The following KCNT2 variants were observed in gnomAD, a reference collection of about 807,000 sequenced individuals.
KCNT2 encodes the protein potassium channel subfamily T member 2.
Under a neutral mutation model 153.8 loss-of-function variants are expected in KCNT2, and 67 were observed. The observed-to-expected ratio is 0.44, with a 90% CI of 0.36 to 0.53. The LOEUF is 0.53. Ranked by LOEUF, KCNT2 falls within the 20% of genes least tolerant of loss-of-function variation. The pLI, the probability that KCNT2 is intolerant of heterozygous loss-of-function variation, is 0.00. For missense variants in KCNT2, 975 were observed against 1,354.8 expected, an observed-to-expected ratio of 0.72 and a Z score of 4.40; for synonymous variants, 500 against 458.8, an observed-to-expected ratio of 1.09 and a Z score of -1.15.
intron 1 of KCNT2, among the ~76,000 whole-genome samples, chr1:196,512,961 T>C (rs1247231052): frequency 2.0e-5 from 3 of 151,980 alleles, no homozygotes; most frequent in African/African-American, 7.3e-5. Context: ...CAGAAGGAAG[T>C]ATTGGAAAGG....
At chr1:196,500,406 C>T (rs557237956) in intron 1 of KCNT2, among the ~76,000 whole-genome samples, 4 of 152,184 alleles carry the variant, frequency 2.6e-5, no homozygotes, top group African/African-American at 9.6e-5. Flanking sequence ...AGAGTTGGAA[C>T]ATTGGTCTTT....
chr1:196,568,149 G>T (rs989907338), intron 1 of KCNT2, among the ~76,000 whole-genome samples: 6 of 152,086 alleles, frequency 3.9e-5, no homozygotes, highest in Admixed American at 2.0e-4. Flanking sequence ...TGGCACCAGA[G>T]ACTAGTTTCA....
At chr1:196,582,605 T>C (rs1460760156) in intron 1 of KCNT2, 2 of 154,222 alleles carry the variant, frequency 1.3e-5, no homozygotes, top group African/African-American at 4.8e-5. Context: ...AAGTTCCCAA[T>C]TTCTTCAGTC....
At chr1:196,286,107 C>A (rs1019606707) in intron 22 of KCNT2, among the ~76,000 whole-genome samples, 1 of 151,782 alleles carries the variant, frequency 6.6e-6, no homozygotes, top group African/African-American at 2.4e-5. Context: ...ACACTGAACA[C>A]TGTAAAGAAG....
chr1:196,246,301 G>A (rs1655441122), intron 26 of KCNT2, among the ~76,000 whole-genome samples: 1 of 152,044 alleles, frequency 6.6e-6, no homozygotes, highest in Non-Finnish European at 1.5e-5. Context: ...ACAAAAAAGG[G>A]AAATAAGGAC....
At position 196,606,748 on chromosome 1, in the gene KCNT2, C is replaced by A. The variant is rs182775204; in HGVS notation, c.95+1467G>T. Among the ~76,000 whole-genome samples the A allele has an allele frequency of 2.1e-3, 313 of 152,258 alleles. 4 individuals are homozygous for A. Among genetic ancestry groups the A allele is most frequent in the African/African-American group, 7.0e-3 (291 of 41,560 alleles). On this transcript the variant is annotated intron_variant, in intron 1 of 27. Coordinates refer to ENST00000294725, the MANE Select transcript of KCNT2 (RefSeq NM_198503.5). ...CTCACACTTTCTACAAAGAGGATTT[C>A]TATTCTATATAATGATCCTGAGGTC...
rs185086982 is a variant in KCNT2, at chr1:196,336,528, G to T, written c.1784-2468C>A. 3.3e-3 allele frequency among the ~76,000 whole-genome samples: 506 copies of T among 152,116 alleles called. 7 individuals are homozygous for T. Among genetic ancestry groups the T allele is most frequent in the Middle Eastern group, 0.02 (6 of 294 alleles). On this transcript the variant is annotated intron_variant, in intron 16 of 27. Transcript: ENST00000294725. The stretch of plus-strand genomic sequence containing the variant: ...ATCTCTCTGCCTTCCTTACTTGCTT[G>T]TACTTTCAACACAAGCTACAAATCC...
intron 16 of KCNT2, among the ~76,000 whole-genome samples, chr1:196,335,836 T>C (rs935035574): frequency 6.6e-6 from 1 of 152,160 alleles, no homozygotes; most frequent in African/African-American, 2.4e-5. Flanking sequence ...TTCCTAACAC[T>C]AGCTATGATT....
chr1:196,303,727 G>A (rs567355393), intron 22 of KCNT2, among the ~76,000 whole-genome samples: 1 of 152,098 alleles, frequency 6.6e-6, no homozygotes, highest in East Asian at 1.9e-4. Flanking sequence ...AGAATCCCAA[G>A]GCTACGAAAT....
At chr1:196,340,219 T>C in intron 16 of KCNT2, 122 bp downstream of exon 16, 1 of 647,126 alleles carries the variant, frequency 1.5e-6, no homozygotes, top group East Asian at 2.8e-5. Flanking sequence ...ACCTAGTTTG[T>C]AAAATGCAGC....
intron 14 of KCNT2, among the ~76,000 whole-genome samples, chr1:196,348,669 A>C (rs1666346190): frequency 6.6e-6 from 1 of 152,134 alleles, no homozygotes; most frequent in Non-Finnish European, 1.5e-5. Context: ...CAGAATATGG[A>C]GATGAAACAT....
chr1:196,290,698 C>G (rs1482568775), intron 22 of KCNT2, among the ~76,000 whole-genome samples: 1 of 151,922 alleles, frequency 6.6e-6, no homozygotes, highest in Admixed American at 6.6e-5. Flanking sequence ...ATTTATCTCA[C>G]TAAGGTCAGT....
chr1:196,553,802 A>C (rs1658269786), intron 1 of KCNT2, among the ~76,000 whole-genome samples: 1 of 151,322 alleles, frequency 6.6e-6, no homozygotes, highest in Non-Finnish European at 1.5e-5. Flanking sequence ...CAAGGGAATA[A>C]AACTATAAAT....
chr1:196,475,473 A>G (rs1487832528), intron 5 of KCNT2, among the ~76,000 whole-genome samples: 1 of 152,012 alleles, frequency 6.6e-6, no homozygotes, highest in Non-Finnish European at 1.5e-5. Flanking sequence ...TACAAATATT[A>G]GCCGGGTGTG....
chr1:196,601,802 CTAAA>C (rs1265929921), intron 1 of KCNT2, among the ~76,000 whole-genome samples: 1 of 151,996 alleles, frequency 6.6e-6, no homozygotes, highest in East Asian at 1.9e-4. Flanking sequence ...ATTTTTATTC[CTAAA>C]TATTTTATCT....
At chr1:196,505,278 G>T (rs866410090) in intron 1 of KCNT2, among the ~76,000 whole-genome samples, 1 of 152,146 alleles carries the variant, frequency 6.6e-6, no homozygotes, top group Non-Finnish European at 1.5e-5. Flanking sequence ...GTAAGGAAGG[G>T]ATCCAGTTTC....
intron 12 of KCNT2, among the ~76,000 whole-genome samples, chr1:196,406,678 G>A (rs200688952): frequency 6.6e-6 from 1 of 150,966 alleles, no homozygotes; most frequent in Admixed American, 6.6e-5. Context: ...ATATAATTTT[G>A]TCCTCCTGCC....
At chr1:196,586,337 G>A (rs1449602857) in intron 1 of KCNT2, among the ~76,000 whole-genome samples, 1 of 152,010 alleles carries the variant, frequency 6.6e-6, no homozygotes, top group Non-Finnish European at 1.5e-5. Context: ...TTTTCTTGCT[G>A]CTAAATTCCC....
chr1:196,366,544 T>C (rs940409408), intron 14 of KCNT2, among the ~76,000 whole-genome samples: 1 of 152,188 alleles, frequency 6.6e-6, no homozygotes, highest in Non-Finnish European at 1.5e-5. Context: ...GGAAAACTTA[T>C]ATCTCAGATA....
Sources: gnomAD v4.1 joint callset for allele counts (sites outside exome capture counted in the v4.1 genomes callset) on GRCh38, gnomAD v4.1.1 for gene constraint, MANE v1.5 for transcripts, NCBI Gene and HGNC (gene_info 2026-07-23, HGNC 2026-07-21) for gene names.